Variants in ANK2 observed in about 807,000 individuals in gnomAD.
The protein encoded by ANK2 is ankyrin-2.
Under a neutral mutation model 360.5 loss-of-function variants are expected in ANK2, and 83 were observed. The observed-to-expected ratio is 0.23, with a 90% CI of 0.19 to 0.28. The LOEUF (loss-of-function observed/expected upper bound fraction) is 0.28. Among genes scored for constraint, ANK2 ranks in the 10% least tolerant of loss-of-function variants. The pLI, the probability that ANK2 is intolerant of heterozygous loss-of-function variation, is 1.00. For missense variants in ANK2, 4,201 were observed against 4,795.7 expected, an observed-to-expected ratio of 0.88 and a Z score of 3.66; for synonymous variants, 1,740 against 1,759.5, an observed-to-expected ratio of 0.99 and a Z score of 0.28.
chr4:112,765,757 C>G, the ANK2 span, among the ~76,000 whole-genome samples: 885 of 147,694 alleles, frequency 6.0e-3, 11 homozygotes, highest in African/African-American at 0.02. Flanking sequence ...CAGGGTCTGT[C>G]TTTCCCCCAA....
intron 4 of ANK2, among the ~76,000 whole-genome samples, chr4:113,229,830 C>G (rs560029279): frequency 6.6e-6 from 1 of 152,214 alleles, no homozygotes; most frequent in African/African-American, 2.4e-5. Context: ...TCCTGCTGAT[C>G]TGGCGACCTC....
At chr4:112,817,458 G>A (rs2055765802), upstream of ANK2, among the ~76,000 whole-genome samples, 1 of 152,010 alleles carries the variant, frequency 6.6e-6, no homozygotes, top group Non-Finnish European at 1.5e-5. Flanking sequence ...CTGCCTATCC[G>A]TCCAGGTCTG....
chr4:112,907,029 A>C (rs1252999332), intron 2 of ANK2, among the ~76,000 whole-genome samples: 3 of 152,200 alleles, frequency 2.0e-5, no homozygotes, highest in Admixed American at 2.0e-4. Flanking sequence ...AAAATTTAAG[A>C]ACACTTTTTG....
the ANK2 span, among the ~76,000 whole-genome samples, chr4:112,787,088 T>C: frequency 6.6e-6 from 1 of 152,180 alleles, no homozygotes; most frequent in Non-Finnish European, 1.5e-5. Flanking sequence ...AAGTCACATA[T>C]ATATCTTGCA....
intron 1 of ANK2, among the ~76,000 whole-genome samples, chr4:113,089,643 T>C (rs1229712173): frequency 1.3e-5 from 2 of 152,092 alleles, no homozygotes; most frequent in East Asian, 3.9e-4. Flanking sequence ...CTGACCAACA[T>C]GGAGAAACCT....
chr4:112,729,535 C>T, the ANK2 span, among the ~76,000 whole-genome samples: 1 of 152,038 alleles, frequency 6.6e-6, no homozygotes, highest in African/African-American at 2.4e-5. Context: ...GCAGGTGGAT[C>T]ACCTGAGGTC....
intron 45 of ANK2, among the ~76,000 whole-genome samples, chr4:113,378,520 C>G (rs556177240): frequency 6.6e-6 from 1 of 152,198 alleles, no homozygotes; most frequent in Non-Finnish European, 1.5e-5. Context: ...GAAGAAGAAT[C>G]TAATCGATGG....
intron 41 of ANK2, among the ~76,000 whole-genome samples, chr4:113,366,896 C>A (rs1292965632): frequency 6.6e-6 from 1 of 152,138 alleles, no homozygotes; most frequent in Non-Finnish European, 1.5e-5. Flanking sequence ...ATCTAAGCAG[C>A]ACTTATTACA....
At position 113,381,679 on chromosome 4, in the gene ANK2, C is replaced by T; in HGVS notation, c.*208C>T. Reference sequence around the variant, plus strand: ...TCTCACACCAGAAACCACACATTCACTCAATATGCAGCTTCCTGTTTCAGT... The same window carrying T: ...TCTCACACCAGAAACCACACATTCATTCAATATGCAGCTTCCTGTTTCAGT... On this transcript the variant is annotated 3_prime_UTR_variant, in exon 46 of 46. Transcript: ENST00000357077. 1 of 1,533,818 alleles carries T rather than the reference C, an allele frequency of 6.5e-7. No individual in the cohort carries two copies. The highest frequency in any genetic ancestry group is 8.8e-7 in the Non-Finnish European group (1 of 1,142,738).
In ANK2 at chr4:113,243,005, AT is replaced by A. The variant is rs545297738; in HGVS notation, c.891+801del. On this transcript the variant is annotated intron_variant, in intron 9 of 45. Transcript: ENST00000357077. ...TTAACTCTTAGGTATATTATTTACC[AT>A]TTTTGAAAAAGCAGAGTAAATTACC... Among the ~76,000 whole-genome samples the A allele has an allele frequency of 3.3e-3, 504 of 152,310 alleles. 2 individuals carry two copies. Among genetic ancestry groups the A allele is most frequent in the African/African-American group, 0.012 (482 of 41,582 alleles).
the ANK2 span, among the ~76,000 whole-genome samples, chr4:112,808,785 C>G: frequency 6.6e-6 from 1 of 152,258 alleles, no homozygotes; most frequent in South Asian, 2.1e-4. Context: ...ATAGTTATTT[C>G]AGAGATAGAC....
intron 4 of ANK2, among the ~76,000 whole-genome samples, chr4:113,203,618 C>T (rs2098890258): frequency 6.6e-6 from 1 of 152,140 alleles, no homozygotes; most frequent in East Asian, 1.9e-4. Flanking sequence ...TTGTGTATTC[C>T]AATAACTCCT....
the ANK2 span, among the ~76,000 whole-genome samples, chr4:112,724,974 C>A: frequency 5.3e-5 from 8 of 152,122 alleles, no homozygotes; most frequent in Non-Finnish European, 8.8e-5. Context: ...GAATATTCTT[C>A]AGCCTTAAAA....
intron 1 of ANK2, chr4:113,145,651 TG>T (rs2096800230): frequency 1.8e-6 from 2 of 1,118,572 alleles, no homozygotes; most frequent in African/African-American, 3.2e-5. Context: ...AAATGGTCAC[TG>T]AATGCAGCCT....
intron 2 of ANK2, among the ~76,000 whole-genome samples, chr4:113,186,519 T>C (rs1220020930): frequency 1.4e-5 from 2 of 147,872 alleles, no homozygotes; most frequent in Non-Finnish European, 3.0e-5. Context: ...TCCCAGTACT[T>C]TCCCACCCAT....
At chr4:112,721,532 AC>A in the ANK2 span, among the ~76,000 whole-genome samples, 4 of 117,056 alleles carry the variant, frequency 3.4e-5, 1 homozygote. Context: ...ACAGAGCGAG[AC>A]CCCATCTCAA....
chr4:112,716,736 T>C, the ANK2 span, among the ~76,000 whole-genome samples: 185 of 152,294 alleles, frequency 1.2e-3, no homozygotes, highest in African/African-American at 4.3e-3. Flanking sequence ...TGGCCTCTAA[T>C]AATCTGTAAA....
At chr4:113,192,434 C>G (rs1294342384) in intron 2 of ANK2, among the ~76,000 whole-genome samples, 3 of 152,194 alleles carry the variant, frequency 2.0e-5, no homozygotes, top group East Asian at 1.9e-4. Flanking sequence ...CTCTGTCTTT[C>G]TTTATGCTAC....
chr4:112,756,960 G>A, the ANK2 span, among the ~76,000 whole-genome samples: 10 of 151,976 alleles, frequency 6.6e-5, no homozygotes, highest in African/African-American at 1.2e-4. Flanking sequence ...ATGACAGAAC[G>A]AGACTCCATC....
Sources: allele counts gnomAD v4.1 joint callset (sites outside exome capture counted in the v4.1 genomes callset), GRCh38; gene constraint gnomAD v4.1.1; transcripts MANE v1.5; gene names NCBI Gene and HGNC (gene_info 2026-07-23, HGNC 2026-07-21).